The following ADGRV1 variants were observed in gnomAD, a reference collection of about 807,000 sequenced individuals.
ADGRV1 encodes adhesion G protein-coupled receptor V1.
Under a neutral mutation model 596.2 loss-of-function variants are expected in ADGRV1, and 359 were observed. The ratio of observed to expected loss-of-function variants is 0.60; its 90% confidence interval spans 0.55 to 0.66. The LOEUF (loss-of-function observed/expected upper bound fraction) is 0.66. Ranked by LOEUF, ADGRV1 falls within the 30% of genes least tolerant of loss-of-function variation. The probability of loss-of-function intolerance (pLI) is 0.00; values close to 1 mark genes in which losing one functional copy is unlikely to be tolerated. For missense variants in ADGRV1, 7,274 were observed against 7,575.6 expected (o/e 0.96, Z 1.48); for synonymous variants, 2,681 against 2,679.2 (o/e 1.00, Z -0.02).
chr5:90,573,902 A>G (rs73177834), intron 1 of ADGRV1, among the ~76,000 whole-genome samples: 13,610 of 143,566 alleles, frequency 0.095, 1,910 homozygotes, highest in African/African-American at 0.31. Flanking sequence ...TTTATTGAAT[A>G]GAGAGTCTTT....
At chr5:91,088,524 A>C (rs181759591) in intron 86 of ADGRV1, among the ~76,000 whole-genome samples, 1 of 152,148 alleles carries the variant, frequency 6.6e-6, no homozygotes, top group East Asian at 1.9e-4. Flanking sequence ...CCATTTGGGA[A>C]GCTTAGGAAG....
chr5:90,577,217 T>C (rs1268118728), intron 1 of ADGRV1, among the ~76,000 whole-genome samples: 5 of 152,058 alleles, frequency 3.3e-5, no homozygotes, highest in African/African-American at 4.8e-5. Flanking sequence ...AATGGTATGC[T>C]GAAGTTTTCT....
intron 83 of ADGRV1, among the ~76,000 whole-genome samples, chr5:90,875,045 G>C (rs974342697): frequency 6.6e-6 from 1 of 151,956 alleles, no homozygotes; most frequent in African/African-American, 2.4e-5. Context: ...ACTGGGTATG[G>C]GGCACATGCC....
intron 38 of ADGRV1, among the ~76,000 whole-genome samples, chr5:90,707,944 C>T (rs918315090): frequency 6.6e-6 from 1 of 151,980 alleles, no homozygotes; most frequent in African/African-American, 2.4e-5. Flanking sequence ...GCACAGCAGT[C>T]CTTCTATATC....
At chr5:90,859,726 A>T (rs765915497) in intron 82 of ADGRV1, among the ~76,000 whole-genome samples, 1 of 152,176 alleles carries the variant, frequency 6.6e-6, no homozygotes, top group African/African-American at 2.4e-5. Flanking sequence ...GCCACTAGTC[A>T]CCAGTGGTGA....
At chr5:91,131,413 T>A (rs1233039583) in intron 87 of ADGRV1, among the ~76,000 whole-genome samples, 3 of 151,788 alleles carry the variant, frequency 2.0e-5, no homozygotes, top group African/African-American at 7.3e-5. Flanking sequence ...TTTTGAAGTG[T>A]CTGTTTGGGT....
rs184343650 is a variant in ADGRV1 at position 90,969,880 on chromosome 5, G to A, written c.17973+4349G>A. Among the ~76,000 whole-genome samples the A allele has an allele frequency of 3.2e-3, 489 of 152,304 alleles. 8 individuals carry two copies. Among genetic ancestry groups the A allele is most frequent in the African/African-American group, 0.012 (479 of 41,570 alleles). On this transcript the variant is annotated intron_variant, in intron 84 of 89. Coordinates refer to ENST00000405460, the MANE Select transcript of ADGRV1 (RefSeq NM_032119.4). ...GGGGCCTGATCGGACAGTGGAGGCA[G>A]GACAGTGGGTGCAACCCACCGAGCG...
chr5:90,657,938 A>G lies in ADGRV1; in HGVS notation c.4412A>G (p.Asn1471Ser). 2 of 1,612,678 alleles carry G rather than the reference A, an allele frequency of 1.2e-6. No individual in the cohort carries two copies. Among genetic ancestry groups the G allele is most frequent in the Non-Finnish European group, 1.7e-6 (2 of 1,178,862 alleles). ...PGILRIGAGINGNDRFTGLMQ... is the reference protein window; with the variant it reads ...PGILRIGAGISGNDRFTGLMQ... ...ATACTGAGAATTGGAGCAGGGATAAATGGCAATGACAGATTTACAGGTCTG... is the reference window on the plus strand; with the variant it reads ...ATACTGAGAATTGGAGCAGGGATAAGTGGCAATGACAGATTTACAGGTCTG... The change falls in exon 21 of 90, where the codon AAT becomes AGT. Residue 1471 changes from asparagine (N) to serine (S), a missense_variant. Asn to Ser is a conservative substitution (Grantham distance 46). This residue lies in a region of ADGRV1 where 38 missense variants were observed against 66.7 expected (regional missense o/e 0.57). Transcript: ENST00000405460.
intron 14 of ADGRV1, 66 bp from the exon 15 acceptor site, chr5:90,644,640 T>A: frequency 2.4e-6 from 3 of 1,261,174 alleles, no homozygotes; most frequent in Non-Finnish European, 3.3e-6. Flanking sequence ...TTAACCGATT[T>A]CTTTACTCAT....
intron 21 of ADGRV1, among the ~76,000 whole-genome samples, chr5:90,661,683 TAAAAG>T (rs1274466896): frequency 6.6e-6 from 1 of 152,170 alleles, no homozygotes; most frequent in Non-Finnish European, 1.5e-5. Context: ...ATTCCTGACT[TAAAAG>T]AGGAGACGGT....
intron 16 of ADGRV1, among the ~76,000 whole-genome samples, chr5:90,646,730 G>T (rs1458444376): frequency 2.0e-5 from 3 of 148,312 alleles, no homozygotes; most frequent in Non-Finnish European, 4.5e-5. Flanking sequence ...CAGGAATCTT[G>T]TAAGCCTTTT....
intron 85 of ADGRV1, among the ~76,000 whole-genome samples, chr5:91,033,413 A>G (rs149170975): frequency 0.011 from 1,644 of 152,174 alleles, 27 homozygotes; most frequent in African/African-American, 0.038. Context: ...CATGTTCCTG[A>G]TCTCTGTGAA....
chr5:91,132,513 G>A (rs1794299862), intron 87 of ADGRV1, among the ~76,000 whole-genome samples: 1 of 152,240 alleles, frequency 6.6e-6, no homozygotes, highest in Non-Finnish European at 1.5e-5. Flanking sequence ...TAAAATCACA[G>A]AGGTTGCATT....
Position 90,675,459 on chromosome 5 carries a change from T to C in ADGRV1, c.5313+14T>C. The C allele has an allele frequency of 1.2e-6, 2 of 1,605,670 alleles. No homozygotes were observed. The highest frequency in any genetic ancestry group is 1.7e-6 in the Non-Finnish European group (2 of 1,174,558). ...GAGGATTACCAGGTAATTTACTCAG[T>C]CCTTTTGAAGTTGTATTTGCACTTG... On this transcript the variant is annotated intron_variant, in intron 24 of 89. Coordinates refer to ENST00000405460, the MANE Select transcript of ADGRV1 (RefSeq NM_032119.4).
intron 85 of ADGRV1, among the ~76,000 whole-genome samples, chr5:91,024,581 C>G (rs965795391): frequency 7.2e-5 from 11 of 152,010 alleles, no homozygotes; most frequent in Admixed American, 6.6e-4. Context: ...AATTCCTAAT[C>G]CCTCAAAAAT....
At chr5:90,663,186 C>T (rs1051156993) in intron 21 of ADGRV1, among the ~76,000 whole-genome samples, 15 of 148,210 alleles carry the variant, frequency 1.0e-4, no homozygotes, top group African/African-American at 3.5e-4. Context: ...GGAATCATCA[C>T]ACTGACTTCC....
intron 1 of ADGRV1, among the ~76,000 whole-genome samples, chr5:90,562,381 A>G (rs1346136731): frequency 1.3e-5 from 2 of 152,138 alleles, no homozygotes; most frequent in Non-Finnish European, 2.9e-5. Context: ...CCAATATGCC[A>G]GGATCTTAGG....
chr5:90,670,970 A>G (rs889807736), intron 21 of ADGRV1, among the ~76,000 whole-genome samples: 11 of 152,184 alleles, frequency 7.2e-5, no homozygotes, highest in African/African-American at 2.7e-4. Context: ...AGGGACTAAT[A>G]TGAAGGAGGT....
chr5:90,950,718 C>T (rs2150905840), intron 83 of ADGRV1, among the ~76,000 whole-genome samples: 1 of 152,128 alleles, frequency 6.6e-6, no homozygotes, highest in East Asian at 1.9e-4. Context: ...TAACTTAAAC[C>T]ATTGAGTGAT....
Sources: gnomAD v4.1 joint callset for allele counts (sites outside exome capture counted in the v4.1 genomes callset) on GRCh38, gnomAD v4.1.1 for gene constraint, gnomAD v4.1.1 regional missense constraint, MANE v1.5 for transcripts, NCBI Gene and HGNC (gene_info 2026-07-23, HGNC 2026-07-21) for gene names.